Variants in COA1 observed in about 807,000 individuals in gnomAD.
The protein encoded by COA1 is cytochrome c oxidase assembly factor 1, also known as cytochrome c oxidase assembly factor 1 homolog.
A neutral mutation model predicts 16.0 loss-of-function variants in COA1; 13 were observed. That is an observed-to-expected ratio of 0.81 (90% confidence interval 0.53 to 1.29). The LOEUF (loss-of-function observed/expected upper bound fraction) is 1.29, where lower values mean the gene tolerates loss of function less well. Ranked by LOEUF, COA1 falls within the 50% of genes most tolerant of loss-of-function variation. The pLI, the probability that COA1 is intolerant of heterozygous loss-of-function variation, is 0.00. For missense variants in COA1, 179 were observed against 177.0 expected (o/e 1.01, Z -0.06); for synonymous variants, 65 against 65.7 (o/e 0.99, Z 0.05).
At position 43,630,507 on chromosome 7, in the gene COA1, A is replaced by G. The variant is rs1486711582; in HGVS notation, c.*133+8942T>C. On this transcript the variant is annotated intron_variant and NMD_transcript_variant, in intron 6 of 6. Transcript: ENST00000415076. ...ATACCTAGAAGATAAAGTATTTGGG[A>G]AGAGATATGTTTAATCCTCAGCTGC... Among the ~76,000 whole-genome samples, 8 of 152,292 alleles carry G rather than the reference A, an allele frequency of 5.3e-5. No individual in the cohort carries two copies. The South Asian group carries it at 1.0e-3, about 20-fold the overall frequency.
At chr7:43,682,511 C>T (rs1563352904) in intron 1 of COA1, among the ~76,000 whole-genome samples, 2 of 151,954 alleles carry the variant, frequency 1.3e-5, no homozygotes, top group Non-Finnish European at 2.9e-5. Context: ...TGAAGTAATC[C>T]GAATTCTTTC....
intron 6 of COA1, among the ~76,000 whole-genome samples, chr7:43,621,725 T>A (rs930053265): frequency 1.2e-4 from 18 of 152,186 alleles, no homozygotes; most frequent in African/African-American, 4.3e-4. Context: ...TAGTAAATTT[T>A]AAATTTTCTA....
intron 1 of COA1, among the ~76,000 whole-genome samples, chr7:43,680,993 C>A (rs2093744486): frequency 6.6e-6 from 1 of 152,130 alleles, no homozygotes; most frequent in African/African-American, 2.4e-5. Context: ...TACTTTTCAG[C>A]TCAAGAAAGT....
At chr7:43,644,322 C>A (rs995988174) in intron 4 of COA1, among the ~76,000 whole-genome samples, 17 of 152,084 alleles carry the variant, frequency 1.1e-4, no homozygotes, top group Non-Finnish European at 2.9e-5. Context: ...TTTCTCAAAC[C>A]AGAGCATATA....
At chr7:43,640,076 G>A (rs1188174989) in intron 5 of COA1, among the ~76,000 whole-genome samples, 1 of 152,142 alleles carries the variant, frequency 6.6e-6, no homozygotes, top group Non-Finnish European at 1.5e-5. Context: ...TTGTCCTTGG[G>A]AATTAAAATA....
intron 5 of COA1, 129 bp from the exon 6 acceptor site, chr7:43,639,810 C>T (rs1425553203): frequency 1.1e-5 from 7 of 634,464 alleles, no homozygotes; most frequent in South Asian, 2.0e-5. Flanking sequence ...TTATTTTGTG[C>T]GAGTGCTGTG....
chr7:43,648,732 T>C (rs183033905), intron 1 of COA1, 80 bp from the exon 2 acceptor site: 4 of 986,250 alleles, frequency 4.1e-6, no homozygotes, highest in Admixed American at 4.2e-5. Flanking sequence ...CAAGATTTAT[T>C]ACCAACCCAA....
chr7:43,645,320 G>A lies in COA1; in HGVS notation c.195C>T (p.Gly65=). Residue 65 remains glycine (G), a synonymous_variant, in exon 4 of 6, where the codon GGC becomes GGT. Coordinates refer to ENST00000223336, the MANE Select transcript of COA1 (RefSeq NM_018224.4). Reference sequence around the variant, plus strand: ...TGAGATAATGGATGTTGAGAGGAGGGCCCAGAGCTTCCTGTGCCTCGGGAT... The same window carrying A: ...TGAGATAATGGATGTTGAGAGGAGGACCCAGAGCTTCCTGTGCCTCGGGAT... ...QSHPEAQEAL[G]PPLNIHYLKL... is the part of the protein sequence containing the mutation. 1 of 1,613,586 alleles carries A rather than the reference G, an allele frequency of 6.2e-7. No individual in the cohort carries two copies. Among genetic ancestry groups the A allele is most frequent in the Non-Finnish European group, 8.5e-7 (1 of 1,179,552 alleles).
Position 43,707,452 on chromosome 7 carries a change from T to C in COA1, c.-39+21977A>G, listed in dbSNP as rs201473318. Among the ~76,000 whole-genome samples the C allele has an allele frequency of 4.6e-5, 7 of 152,212 alleles. No homozygotes were observed. In the East Asian group the frequency reaches 1.3e-3, roughly 29 times the overall value. On this transcript the variant is annotated intron_variant, in intron 1 of 5. Transcript: ENST00000223336. ...AATTAAAACAAACCAAGCACCCATG[T>C]AACCACCAGAGTCCTAGAAATTGAG...
chr7:43,675,922 A>G (rs920761803), intron 1 of COA1, among the ~76,000 whole-genome samples: 52 of 152,090 alleles, frequency 3.4e-4, no homozygotes, highest in Non-Finnish European at 6.5e-4. Context: ...TAAATAAAAG[A>G]ATTATGGTAT....
chr7:43,691,416 A>AAGGAAGGAAGGAAGGAAGG (rs1563385275), intron 1 of COA1, among the ~76,000 whole-genome samples: 1 of 89,974 alleles, frequency 1.1e-5, no homozygotes, highest in Non-Finnish European at 2.2e-5. Flanking sequence ...AGGAAGGAAG[A>AAGGAAGGAAGGAAGGAAGG]AAGAAAAAGA....
chr7:43,639,728 G>A (rs1163725691), intron 5 of COA1, 47 bp from the exon 6 acceptor site: 1 of 1,463,044 alleles, frequency 6.8e-7, no homozygotes, highest in Admixed American at 1.7e-5. Flanking sequence ...GAAGGCTGAG[G>A]CAACAGCCGT....
chr7:43,672,756 G>A (rs544654002), intron 1 of COA1, among the ~76,000 whole-genome samples: 65 of 146,562 alleles, frequency 4.4e-4, no homozygotes, highest in South Asian at 2.8e-3. Context: ...ACAACAGAGC[G>A]AGGCTCCATC....
In COA1 at chr7:43,701,222, C is replaced by T. The variant is rs144201125; in HGVS notation, c.-39+28207G>A. Among the ~76,000 whole-genome samples, 557 of 152,026 alleles carry T rather than the reference C, an allele frequency of 3.7e-3. 6 individuals carry two copies. The highest frequency in any genetic ancestry group is 0.033 in the Admixed American group (500 of 15,260). ...ATTTCCCAGGTAGTAAGCATAGTAC[C>T]CAATAGGTAGTTTTTTCAACCCTCA... is the stretch of plus-strand genomic sequence containing the variant. On this transcript the variant is annotated intron_variant, in intron 1 of 5. Transcript: ENST00000223336.
At chr7:43,719,927 G>T (rs920807476) in intron 1 of COA1, among the ~76,000 whole-genome samples, 1 of 152,254 alleles carries the variant, frequency 6.6e-6, no homozygotes, top group African/African-American at 2.4e-5. Context: ...CACAGAACAG[G>T]GAGGAGGGAG....
At chr7:43,658,885 C>T (rs1201449675) in intron 1 of COA1, 1 of 152,356 alleles carries the variant, frequency 6.6e-6, no homozygotes, top group Non-Finnish European at 1.5e-5. Flanking sequence ...AGAAGGCAGG[C>T]TCGTGAATGA....
chr7:43,690,872 C>A (rs1220482644), intron 1 of COA1, among the ~76,000 whole-genome samples: 1 of 151,644 alleles, frequency 6.6e-6, no homozygotes, highest in Non-Finnish European at 1.5e-5. Context: ...TTCCCTATAA[C>A]TGGAAAATTA....
At chr7:43,687,651 T>G (rs1046315812) in intron 1 of COA1, among the ~76,000 whole-genome samples, 1 of 152,156 alleles carries the variant, frequency 6.6e-6, no homozygotes, top group African/African-American at 2.4e-5. Context: ...TAAAAGTTAT[T>G]CAATAGTTAG....
chr7:43,674,116 T>A (rs1164829461), intron 1 of COA1, among the ~76,000 whole-genome samples: 3 of 152,122 alleles, frequency 2.0e-5, no homozygotes, highest in East Asian at 1.9e-4. Context: ...TCTACCTATA[T>A]AACAAACCTG....
Sources: gnomAD v4.1 joint callset for allele counts (sites outside exome capture counted in the v4.1 genomes callset) on GRCh38, gnomAD v4.1.1 for gene constraint, MANE v1.5 for transcripts, NCBI Gene and HGNC (gene_info 2026-07-23, HGNC 2026-07-21) for gene names.